The following CCNY variants were observed in gnomAD, a reference collection of about 807,000 sequenced individuals.
The protein encoded by CCNY is cyclin Y, also known as cyclin-Y.
Under a neutral mutation model 42.8 loss-of-function variants are expected in CCNY, and 19 were observed. That is an observed-to-expected ratio of 0.44 (90% CI 0.31 to 0.65). The LOEUF is 0.65. CCNY is among the 30% of genes least tolerant of loss of function. CCNY has a pLI of 0.07. For missense variants in CCNY, 370 were observed against 437.3 expected (o/e 0.85, Z 1.37); for synonymous variants, 165 against 162.7 (o/e 1.01, Z -0.11).
chr10:35,406,705 T>C (rs1027374567), intron 1 of CCNY, among the ~76,000 whole-genome samples: 1 of 152,174 alleles, frequency 6.6e-6, no homozygotes. Flanking sequence ...TCCACAAAAC[T>C]GCCACTGTCA....
At chr10:35,347,440 C>G in intron 1 of CCNY, 2 of 983,462 alleles carry the variant, frequency 2.0e-6, no homozygotes, top group Non-Finnish European at 2.4e-6. Flanking sequence ...TGAAGGCTGA[C>G]TAGGAAATAC....
At chr10:35,426,452 C>T (rs1183799172) in intron 1 of CCNY, among the ~76,000 whole-genome samples, 2 of 152,276 alleles carry the variant, frequency 1.3e-5, no homozygotes, top group Non-Finnish European at 2.9e-5. Flanking sequence ...AGTGTTGGTG[C>T]ACATAGTTCA....
intron 3 of CCNY, among the ~76,000 whole-genome samples, chr10:35,305,516 C>T (rs1835596077): frequency 6.6e-6 from 1 of 152,154 alleles, no homozygotes; most frequent in Admixed American, 6.6e-5. Flanking sequence ...CTAGTAATGT[C>T]ACAGCAGCAT....
At chr10:35,308,185 C>T (rs1835637070) in intron 3 of CCNY, among the ~76,000 whole-genome samples, 1 of 151,896 alleles carries the variant, frequency 6.6e-6, no homozygotes, top group Non-Finnish European at 1.5e-5. Context: ...AAGATCAAAG[C>T]ACTAACACAT....
At chr10:35,399,872 G>A (rs948918992) in intron 1 of CCNY, among the ~76,000 whole-genome samples, 1 of 152,160 alleles carries the variant, frequency 6.6e-6, no homozygotes, top group African/African-American at 2.4e-5. Flanking sequence ...CCTGTAGATT[G>A]GAGATGTTCT....
At chr10:35,546,556 G>C (rs1305859754) in intron 7 of CCNY, among the ~76,000 whole-genome samples, 1 of 152,224 alleles carries the variant, frequency 6.6e-6, no homozygotes, top group Non-Finnish European at 1.5e-5. Context: ...CCAAGTGGGA[G>C]TTTACTAAAG....
intron 7 of CCNY, among the ~76,000 whole-genome samples, chr10:35,541,160 GTTGCA>G (rs1840993007): frequency 1.3e-5 from 2 of 151,808 alleles, no homozygotes; most frequent in South Asian, 2.1e-4. Flanking sequence ...CTAAGCTTTA[GTTGCA>G]TTGCATAAAT....
chr10:35,446,049 G>A (rs1838783607), intron 1 of CCNY, among the ~76,000 whole-genome samples: 2 of 152,130 alleles, frequency 1.3e-5, no homozygotes, highest in South Asian at 2.1e-4. Flanking sequence ...TACTCTGCCT[G>A]CCTCCTTAAA....
At chr10:35,448,241 A>G (rs936368839) in intron 1 of CCNY, among the ~76,000 whole-genome samples, 1 of 152,136 alleles carries the variant, frequency 6.6e-6, no homozygotes, top group Non-Finnish European at 1.5e-5. Context: ...TCTGTTGGAC[A>G]CCATCTGGGG....
At chr10:35,384,277 G>T (rs528305722) in intron 1 of CCNY, among the ~76,000 whole-genome samples, 3 of 152,296 alleles carry the variant, frequency 2.0e-5, no homozygotes, top group Admixed American at 2.0e-4. Flanking sequence ...GATTTTGAGG[G>T]CATTAGTATT....
At chr10:35,360,175 G>A (rs532452982) in intron 1 of CCNY, among the ~76,000 whole-genome samples, 57 of 152,010 alleles carry the variant, frequency 3.7e-4, no homozygotes, top group Non-Finnish European at 7.1e-4. Flanking sequence ...TGGTGAATTT[G>A]TATTGTTACT....
At chr10:35,403,794 G>T (rs754778700) in intron 1 of CCNY, among the ~76,000 whole-genome samples, 5 of 131,342 alleles carry the variant, frequency 3.8e-5, no homozygotes, top group African/African-American at 1.4e-4. Context: ...GAGGCAGAGC[G>T]GTAGCCTCAA....
rs796767069 is a variant in CCNY at position 35,304,314 on chromosome 10, T to TA, written c.-9+53688_-9+53689insA. 8.1e-4 allele frequency among the ~76,000 whole-genome samples: 40 copies of TA among 49,374 alleles called. 4 individuals are homozygous for TA. Among genetic ancestry groups the TA allele is most frequent in the African/African-American group, 3.0e-3 (19 of 6,380 alleles). 32.4% of individuals were successfully genotyped at this position (49,374 alleles called of 152,430 possible). On this transcript the variant is annotated intron_variant, in intron 3 of 11. Coordinates refer to the CCNY transcript ENST00000374706. ...CTTTTATTTTTTTTTTTTTTTTATTTTTTATTTTTTTTTGAGACGGAGTCT... is the reference window on the plus strand; with the variant it reads ...CTTTTATTTTTTTTTTTTTTTTATTTATTTATTTTTTTTTGAGACGGAGTCT...
intron 1 of CCNY, among the ~76,000 whole-genome samples, chr10:35,381,302 G>A (rs1383553500): frequency 6.6e-6 from 1 of 152,202 alleles, no homozygotes; most frequent in East Asian, 1.9e-4. Context: ...GCTCATGCCT[G>A]TAATCCCAGC....
chr10:35,372,654 G>A (rs919543271), intron 1 of CCNY, among the ~76,000 whole-genome samples: 1 of 152,146 alleles, frequency 6.6e-6, no homozygotes, highest in Admixed American at 6.5e-5. Flanking sequence ...TGTCTGTTCT[G>A]TGTCAGTTAA....
rs1221256594 is a variant in CCNY, at chr10:35,336,923, G to T, written c.-131G>T. 6.5e-6 allele frequency: 3 copies of T among 460,172 alleles called. No homozygotes were observed. In the Admixed American group the frequency reaches 2.0e-4, roughly 31 times the overall value. The allele number at this position is 460,172 out of a possible 1,614,324, so 28.5% of individuals were successfully genotyped here. On this transcript the variant is annotated 5_prime_UTR_variant, in exon 1 of 10. Transcript: ENST00000374704. The stretch of plus-strand genomic sequence containing the variant: ...TGACCCGGCGGCCGGCCGCCGTTCC[G>T]CCCCCTCCCGTGGCGGCGAGCGGGC...
intron 1 of CCNY, among the ~76,000 whole-genome samples, chr10:35,420,589 C>T (rs142725638): frequency 6.6e-6 from 1 of 152,188 alleles, no homozygotes; most frequent in African/African-American, 2.4e-5. Flanking sequence ...ACTGTGGGAT[C>T]TAGGATCACC....
At chr10:35,403,470 C>T (rs532353391) in intron 1 of CCNY, among the ~76,000 whole-genome samples, 5 of 152,310 alleles carry the variant, frequency 3.3e-5, no homozygotes, top group African/African-American at 9.6e-5. Flanking sequence ...ATTCTGCCTG[C>T]TTCTTTAGCT....
At chr10:35,325,540 C>T (rs1835870747) in intron 3 of CCNY, among the ~76,000 whole-genome samples, 1 of 147,980 alleles carries the variant, frequency 6.8e-6, no homozygotes, top group Admixed American at 6.9e-5. Flanking sequence ...AGTGCAATGG[C>T]GTGATCTCAG....
Sources: allele counts gnomAD v4.1 joint callset (sites outside exome capture counted in the v4.1 genomes callset), GRCh38; gene constraint gnomAD v4.1.1; transcripts MANE v1.5; gene names NCBI Gene and HGNC (gene_info 2026-07-23, HGNC 2026-07-21).